Variants in PRKX observed in about 807,000 individuals in gnomAD.
The protein encoded by PRKX is protein kinase cAMP-dependent X-linked catalytic subunit, also known as cAMP-dependent protein kinase catalytic subunit PRKX.
In PRKX, 12 loss-of-function variants were observed where a neutral mutation model predicts 22.0. The observed-to-expected ratio is 0.54, with a 90% CI of 0.35 to 0.88. The LOEUF (loss-of-function observed/expected upper bound fraction) is 0.88, where lower values mean the gene tolerates loss of function less well. Ranked by LOEUF, PRKX falls within the 40% of genes least tolerant of loss-of-function variation. The pLI, the probability that PRKX is intolerant of heterozygous loss-of-function variation, is 0.01. For synonymous variants in PRKX, 134 were observed against 137.7 expected (o/e 0.97, Z 0.19); for missense variants, 217 against 308.0 (o/e 0.70, Z 2.21).
At chrX:3,689,836 GT>G (rs1428239158) in intron 1 of PRKX, among the ~76,000 whole-genome samples, 8 of 111,546 alleles carry the variant, frequency 7.2e-5, no homozygotes, top group Middle Eastern at 4.6e-3. Flanking sequence ...AATTAGCCGA[GT>G]GTGGTGGCGG....
chrX:3,672,944 G>A (rs1474580888), intron 2 of PRKX, among the ~76,000 whole-genome samples: 4 of 111,453 alleles, frequency 3.6e-5, no homozygotes, highest in African/African-American at 1.3e-4. Flanking sequence ...GGCCATGATT[G>A]TGCCACTGAA....
chrX:3,649,850 G>GGA (rs1569049769), intron 3 of PRKX, among the ~76,000 whole-genome samples: 2 of 99,895 alleles, frequency 2.0e-5, no homozygotes, highest in African/African-American at 7.4e-5. Context: ...GGAAGGAAGG[G>GGA]AGGGAGAGGC....
chrX:3,638,722 ATAGG>A (rs1264290400), intron 4 of PRKX, among the ~76,000 whole-genome samples: 2 of 111,031 alleles, frequency 1.8e-5, no homozygotes, highest in African/African-American at 6.6e-5. Flanking sequence ...AGATAGAGGG[ATAGG>A]TAGGTAAGTA....
rs868654122 is a variant in PRKX, at chrX:3,666,911, T to A, written c.335+7687A>T. 2.2e-3 allele frequency among the ~76,000 whole-genome samples: 144 copies of A among 65,786 alleles called. 1 individual carries two copies. Among genetic ancestry groups the A allele is most frequent in the Admixed American group, 1.8e-3 (8 of 4,325 alleles). 57.1% of individuals were successfully genotyped at this position (65,786 alleles called of 115,157 possible). ...CAACAGAGCAAGACCTCATTTCTTT[T>A]AAAAAAAAAAAAAAAAAAAAAGGAA... On this transcript the variant is annotated intron_variant, in intron 2 of 8. Transcript: ENST00000262848.
At chrX:3,666,136 G>C (rs1481949921) in intron 2 of PRKX, among the ~76,000 whole-genome samples, 10 of 100,611 alleles carry the variant, frequency 9.9e-5, no homozygotes, top group Non-Finnish European at 2.0e-4. Context: ...TCAGCCTCCC[G>C]AGTAGTGAAC....
intron 4 of PRKX, among the ~76,000 whole-genome samples, chrX:3,628,349 A>G (rs1342926025): frequency 1.8e-5 from 2 of 111,074 alleles, no homozygotes; most frequent in Non-Finnish European, 3.8e-5. Context: ...TAGGGTGACT[A>G]TAATTAGCAA....
At chrX:3,634,197 C>T (rs1926841669) in intron 4 of PRKX, among the ~76,000 whole-genome samples, 1 of 110,680 alleles carries the variant, frequency 9.0e-6, no homozygotes, top group Admixed American at 9.7e-5. Context: ...TTGCAGTGAG[C>T]CGAGATCGCG....
Position 3,700,771 on chromosome X carries a change from T to TTGTTGTTGC in PRKX, c.166+12316_166+12317insGCAACAACA, listed in dbSNP as rs945243325. Among the ~76,000 whole-genome samples the TTGTTGTTGC allele has an allele frequency of 1.5e-4, 17 of 110,178 alleles. No homozygotes were observed. The East Asian group carries it at 4.6e-3, about 30-fold the overall frequency. On this transcript the variant is annotated intron_variant, in intron 1 of 8. Transcript: ENST00000262848. ...TTGTTTGTTGTTGTTGTTGTTGTTG[T>TTGTTGTTGC]TTGTAGAGACAGGTTTTCACCATGT...
chrX:3,631,003 A>G (rs1229177587), intron 4 of PRKX, among the ~76,000 whole-genome samples: 3 of 112,438 alleles, frequency 2.7e-5, no homozygotes, highest in African/African-American at 9.7e-5. Context: ...GCTCAAAGTC[A>G]TGTTTTCCAT....
At chrX:3,689,909 A>G (rs191603396) in intron 1 of PRKX, among the ~76,000 whole-genome samples, 1,938 of 111,054 alleles carry the variant, frequency 0.017, 16 homozygotes, top group African/African-American at 0.03. Flanking sequence ...CCCGGGAGGC[A>G]GAGCTTGCAG....
intron 5 of PRKX, among the ~76,000 whole-genome samples, chrX:3,621,550 C>T (rs750337316): frequency 2.7e-5 from 3 of 112,098 alleles, no homozygotes; most frequent in Admixed American, 9.5e-5. Context: ...GGGTTGATTA[C>T]ATCTTTGTAA....
intron 3 of PRKX, among the ~76,000 whole-genome samples, chrX:3,650,596 A>AG (rs1370392697): frequency 1.1e-5 from 1 of 92,898 alleles, no homozygotes; most frequent in Non-Finnish European, 2.2e-5. Flanking sequence ...ATGTTATTCA[A>AG]GGCCGGGCAC....
At position 3,701,662 on chromosome X, in the gene PRKX, G is replaced by C. The variant is rs1295034825; in HGVS notation, c.166+11426C>G. On this transcript the variant is annotated intron_variant, in intron 1 of 8. Transcript: ENST00000262848. The stretch of plus-strand genomic sequence containing the variant: ...TGAAGCCTGTTGGGCTGCATGCCCA[G>C]ATGGTTAAGGCATTCTAAGTCACGG... 3.6e-5 allele frequency among the ~76,000 whole-genome samples: 4 copies of C among 112,102 alleles called. No individual in the cohort carries two copies. In the East Asian group the frequency reaches 1.1e-3, roughly 31 times the overall value.
intron 3 of PRKX, among the ~76,000 whole-genome samples, chrX:3,654,247 ATATAG>A (rs1457480064): frequency 1.9e-4 from 18 of 96,134 alleles, no homozygotes; most frequent in African/African-American, 6.1e-4. Flanking sequence ...ACTATATAAT[ATATAG>A]TATAATATAT....
intron 3 of PRKX, among the ~76,000 whole-genome samples, chrX:3,649,095 T>C (rs781418215): frequency 7.0e-4 from 78 of 111,726 alleles, no homozygotes; most frequent in South Asian, 1.5e-3. Context: ...CAAAAGTCAA[T>C]ACTTTTCCAG....
chrX:3,652,293 C>T (rs1191235352), intron 3 of PRKX, among the ~76,000 whole-genome samples: 2 of 110,843 alleles, frequency 1.8e-5, no homozygotes, highest in East Asian at 5.7e-4. Context: ...TGGCGGGCGC[C>T]CGTAGTCCCA....
rs1250291738 is a variant in PRKX, at chrX:3,610,436, C to T, written c.*24-1491G>A. ...GGCGGAGGTTGCAGTGAGCTGAGAT[C>T]GCACCACTGCAATCCAGCCTGGGCA... On this transcript the variant is annotated intron_variant, in intron 8 of 8. Transcript: ENST00000262848. 6.3e-5 allele frequency among the ~76,000 whole-genome samples: 7 copies of T among 111,076 alleles called. No homozygotes were observed. The South Asian group carries it at 1.6e-3, about 25-fold the overall frequency.
At chrX:3,636,318 T>C (rs1296916882) in intron 4 of PRKX, among the ~76,000 whole-genome samples, 1 of 112,837 alleles carries the variant, frequency 8.9e-6, no homozygotes, top group African/African-American at 3.2e-5. Context: ...CACTTGTATG[T>C]GCAGCAGTGC....
intron 7 of PRKX, among the ~76,000 whole-genome samples, chrX:3,614,383 G>A (rs1926374758): frequency 1.8e-5 from 2 of 112,034 alleles, no homozygotes; most frequent in Non-Finnish European, 3.8e-5. Context: ...CAGCTACTCA[G>A]GGGGCTGAGG....
Sources: gnomAD v4.1 joint callset for allele counts (sites outside exome capture counted in the v4.1 genomes callset) on GRCh38, gnomAD v4.1.1 for gene constraint, MANE v1.5 for transcripts, NCBI Gene and HGNC (gene_info 2026-07-23, HGNC 2026-07-21) for gene names.